The following PCDH11X variants were observed in gnomAD, a reference collection of about 807,000 sequenced individuals.
The protein encoded by PCDH11X is protocadherin 11 X-linked, also known as protocadherin-11 X-linked.
In PCDH11X, 18 loss-of-function variants were observed where a neutral mutation model predicts 53.3. The observed-to-expected ratio is 0.34, with a 90% CI of 0.23 to 0.50. PCDH11X has a LOEUF of 0.50. Among genes scored for constraint, PCDH11X ranks in the 20% least tolerant of loss-of-function variants. The pLI is 0.98. For missense variants in PCDH11X, 570 were observed against 1,032.4 expected (o/e 0.55, Z 6.14); for synonymous variants, 279 against 393.3 (o/e 0.71, Z 3.44).
intron 7 of PCDH11X, among the ~76,000 whole-genome samples, chrX:92,204,432 C>T (rs1021805130): frequency 8.9e-6 from 1 of 111,929 alleles, no homozygotes; most frequent in Non-Finnish European, 1.9e-5. Flanking sequence ...GGGCAAAATG[C>T]CACCATCCTT....
chrX:92,039,241 C>T (rs948655077), intron 6 of PCDH11X, among the ~76,000 whole-genome samples: 1 of 111,000 alleles, frequency 9.0e-6, no homozygotes, highest in African/African-American at 3.3e-5. Flanking sequence ...AACTCAAGGC[C>T]CTAGGGCTCT....
At chrX:92,180,395 T>C (rs2065975864) in intron 6 of PCDH11X, among the ~76,000 whole-genome samples, 1 of 111,016 alleles carries the variant, frequency 9.0e-6, no homozygotes, top group African/African-American at 3.3e-5. Flanking sequence ...AAGCCATTCG[T>C]TTTTACTCTC....
chrX:92,373,533 T>C (rs764488361), intron 8 of PCDH11X, among the ~76,000 whole-genome samples: 19 of 110,986 alleles, frequency 1.7e-4, no homozygotes, highest in African/African-American at 6.2e-4. Flanking sequence ...AAATAATTCT[T>C]ATGCCAAAGA....
intron 6 of PCDH11X, among the ~76,000 whole-genome samples, chrX:92,186,428 G>A (rs1378016106): frequency 2.7e-5 from 3 of 111,042 alleles, no homozygotes; most frequent in East Asian, 5.7e-4. Flanking sequence ...TCGGGAGATC[G>A]AGACCAGCCT....
At chrX:91,981,759 C>T (rs2062142508) in intron 6 of PCDH11X, among the ~76,000 whole-genome samples, 1 of 107,876 alleles carries the variant, frequency 9.3e-6, no homozygotes, top group Non-Finnish European at 1.9e-5. Context: ...AAAAAGAGAG[C>T]TTGTGCAGGG....
intron 6 of PCDH11X, among the ~76,000 whole-genome samples, chrX:91,966,051 G>T (rs1358973026): frequency 9.0e-6 from 1 of 111,369 alleles, no homozygotes; most frequent in Non-Finnish European, 1.9e-5. Context: ...CAATGTATTA[G>T]AAGACAGGAA....
chrX:91,822,460 G>T (rs570698493), intron 4 of PCDH11X, among the ~76,000 whole-genome samples: 2 of 111,126 alleles, frequency 1.8e-5, no homozygotes, highest in African/African-American at 6.6e-5. Context: ...GTTTATTTGC[G>T]CAGAGGTGTT....
chrX:92,456,617 A>C (rs955834371), intron 9 of PCDH11X, among the ~76,000 whole-genome samples: 7 of 111,527 alleles, frequency 6.3e-5, no homozygotes, highest in Admixed American at 4.8e-4. Context: ...TAAGGCAGAC[A>C]GCATTTGGTT....
chrX:92,315,413 T>C, intron 8 of PCDH11X, among the ~76,000 whole-genome samples: 1 of 111,760 alleles, frequency 8.9e-6, no homozygotes, highest in East Asian at 2.8e-4. Flanking sequence ...ATTGCTTGCT[T>C]GCTTATTTAT....
rs1391356777 is a variant in PCDH11X at position 92,032,239 on chromosome X, G to C, written c.3033+152966G>C. Among the ~76,000 whole-genome samples the C allele has an allele frequency of 6.5e-5, 7 of 108,399 alleles. No homozygotes were observed. The East Asian group carries it at 2.2e-3, about 34-fold the overall frequency. The allele number at this position is 108,399 out of a possible 115,157, so 94.1% of individuals were successfully genotyped here. ...AATTCCTCGGTATTCATTTTTATTTGTGGCTATTGTAAATGGGCTTACTTT... is the reference window on the plus strand; with the variant it reads ...AATTCCTCGGTATTCATTTTTATTTCTGGCTATTGTAAATGGGCTTACTTT... On this transcript the variant is annotated intron_variant, in intron 6 of 10. Coordinates refer to ENST00000682573, the MANE Select transcript of PCDH11X (RefSeq NM_032968.5).
intron 8 of PCDH11X, among the ~76,000 whole-genome samples, chrX:92,290,862 T>C (rs982684726): frequency 1.0e-4 from 11 of 105,642 alleles, no homozygotes; most frequent in African/African-American, 3.8e-4. Flanking sequence ...AGGATGTAGT[T>C]AGTGGATGAA....
At chrX:92,246,232 T>A (rs1275207277) in intron 7 of PCDH11X, among the ~76,000 whole-genome samples, 3 of 112,130 alleles carry the variant, frequency 2.7e-5, no homozygotes, top group Non-Finnish European at 5.6e-5. Flanking sequence ...AACTCACTTA[T>A]TCATAGGCGT....
At chrX:92,182,621 G>T (rs1185440192) in intron 6 of PCDH11X, among the ~76,000 whole-genome samples, 5 of 111,460 alleles carry the variant, frequency 4.5e-5, no homozygotes, top group African/African-American at 1.6e-4. Context: ...TTCCCATGTT[G>T]TTCTTGTGAT....
chrX:91,921,743 C>G (rs1941746986), intron 6 of PCDH11X, among the ~76,000 whole-genome samples: 2 of 106,817 alleles, frequency 1.9e-5, no homozygotes, highest in South Asian at 8.5e-4. Flanking sequence ...CAAATTTTGG[C>G]ATTTATGAAT....
At chrX:92,563,501 G>A (rs1921073528) in intron 10 of PCDH11X, among the ~76,000 whole-genome samples, 1 of 93,067 alleles carries the variant, frequency 1.1e-5, no homozygotes, top group South Asian at 4.5e-4. Flanking sequence ...AGGTCTGGCA[G>A]CAGACTTTTC....
At chrX:92,143,838 G>T (rs192689872) in intron 6 of PCDH11X, among the ~76,000 whole-genome samples, 3 of 111,439 alleles carry the variant, frequency 2.7e-5, no homozygotes, top group African/African-American at 9.8e-5. Flanking sequence ...TGGAAAAGCC[G>T]CAGACACTCA....
chrX:92,066,910 C>T (rs1288068406), intron 6 of PCDH11X, among the ~76,000 whole-genome samples: 1 of 111,749 alleles, frequency 8.9e-6, no homozygotes, highest in East Asian at 2.8e-4. Flanking sequence ...TCAAGACCAG[C>T]CTGACCAACA....
chrX:92,445,301 T>A (rs1302394034), intron 9 of PCDH11X, among the ~76,000 whole-genome samples: 1 of 102,520 alleles, frequency 9.8e-6, no homozygotes, highest in Non-Finnish European at 2.0e-5. Flanking sequence ...TGATTCAATC[T>A]TGGAAGATTG....
intron 6 of PCDH11X, among the ~76,000 whole-genome samples, chrX:91,922,693 A>G (rs1042599731): frequency 1.1e-4 from 12 of 112,322 alleles, no homozygotes; most frequent in African/African-American, 3.9e-4. Context: ...ATGCCTGACT[A>G]TCTGAAGTGG....
Sources: allele counts gnomAD v4.1 joint callset (sites outside exome capture counted in the v4.1 genomes callset), GRCh38; gene constraint gnomAD v4.1.1; transcripts MANE v1.5; gene names NCBI Gene and HGNC (gene_info 2026-07-23, HGNC 2026-07-21).